CNTNAP2: variants seen among roughly 807,000 people sequenced by gnomAD.
CNTNAP2 encodes the protein contactin-associated protein-like 2.
CNTNAP2 carries 98 observed loss-of-function variants against 155.2 expected under a neutral mutation model. That is an observed-to-expected ratio of 0.63 (90% CI 0.54 to 0.75). CNTNAP2 has a LOEUF of 0.75. Among genes scored for constraint, CNTNAP2 ranks in the 30% least tolerant of loss-of-function variants. CNTNAP2 has a pLI of 0.00. For synonymous variants in CNTNAP2, 651 were observed against 631.2 expected (o/e 1.03, Z -0.47); for missense variants, 1,727 against 1,688.1 (o/e 1.02, Z -0.40).
At chr7:147,621,487 GA>G (rs1170184598) in intron 12 of CNTNAP2, among the ~76,000 whole-genome samples, 1 of 148,346 alleles carries the variant, frequency 6.7e-6, no homozygotes, top group Non-Finnish European at 1.5e-5. Flanking sequence ...TTAAAAAGCA[GA>G]AGGATAGAGG....
intron 1 of CNTNAP2, among the ~76,000 whole-genome samples, chr7:146,587,775 C>T (rs1211122537): frequency 6.6e-6 from 1 of 151,940 alleles, no homozygotes; most frequent in African/African-American, 2.4e-5. Context: ...CATGTTCAAG[C>T]GATTCTCCTG....
At chr7:147,404,359 T>C (rs116706191) in intron 10 of CNTNAP2, among the ~76,000 whole-genome samples, 2,505 of 152,310 alleles carry the variant, frequency 0.016, 70 homozygotes, top group African/African-American at 0.057. Flanking sequence ...GGACAAAAGC[T>C]CTTGCGTCCT....
intron 17 of CNTNAP2, among the ~76,000 whole-genome samples, chr7:148,155,915 C>T (rs1343681120): frequency 1.3e-5 from 2 of 152,188 alleles, no homozygotes; most frequent in Non-Finnish European, 2.9e-5. Context: ...GGTGCTCCCA[C>T]AGCTTCCCAC....
chr7:147,798,146 C>T (rs1357722927), intron 13 of CNTNAP2, among the ~76,000 whole-genome samples: 2 of 152,234 alleles, frequency 1.3e-5, no homozygotes, highest in East Asian at 3.9e-4. Flanking sequence ...TGTCACAGTG[C>T]ACGGAGAACT....
chr7:147,273,847 CAT>C (rs1171961207), intron 8 of CNTNAP2, among the ~76,000 whole-genome samples: 8 of 145,456 alleles, frequency 5.5e-5, no homozygotes, highest in South Asian at 4.2e-4. Flanking sequence ...AATATTTAAA[CAT>C]ATATAAATAT....
At chr7:146,154,285 C>A (rs1238235701) in intron 1 of CNTNAP2, among the ~76,000 whole-genome samples, 1 of 152,140 alleles carries the variant, frequency 6.6e-6, no homozygotes, top group African/African-American at 2.4e-5. Context: ...ATATTCCCCC[C>A]AACTCCAATT....
chr7:147,726,475 T>C (rs1014864265), intron 13 of CNTNAP2, among the ~76,000 whole-genome samples: 4 of 151,852 alleles, frequency 2.6e-5, no homozygotes, highest in Non-Finnish European at 5.9e-5. Context: ...TCAAAGACCA[T>C]CTTAAGTCAG....
intron 17 of CNTNAP2, among the ~76,000 whole-genome samples, chr7:148,170,242 A>G (rs1048373677): frequency 6.6e-6 from 1 of 152,238 alleles, no homozygotes; most frequent in Middle Eastern, 3.2e-3. Flanking sequence ...ATTTTAGCAT[A>G]TTTTGATAGA....
intron 1 of CNTNAP2, among the ~76,000 whole-genome samples, chr7:146,559,081 A>G (rs969377545): frequency 2.0e-5 from 3 of 152,198 alleles, no homozygotes; most frequent in Non-Finnish European, 2.9e-5. Context: ...CAGGAGGAAT[A>G]TATTTTGAGA....
At chr7:147,097,227 A>AT (rs1800555245) in intron 4 of CNTNAP2, among the ~76,000 whole-genome samples, 1 of 152,170 alleles carries the variant, frequency 6.6e-6, no homozygotes, top group African/African-American at 2.4e-5. Context: ...GTCCTGACAA[A>AT]TTTGTAGGGG....
chr7:147,127,641 T>C lies in CNTNAP2; in HGVS notation c.940-1052T>C, dbSNP rs113472802. 1.8e-4 allele frequency among the ~76,000 whole-genome samples: 28 copies of C among 152,304 alleles called. 1 individual carries two copies. The highest frequency in any genetic ancestry group is 6.3e-4 in the African/African-American group (26 of 41,566). On this transcript the variant is annotated intron_variant, in intron 6 of 23. Transcript: ENST00000361727. ...AGTTAACAGATTCCTAACCATTTAG[T>C]GAGTTCTAACCCCAATCCCTAATGT...
At chr7:148,197,562 G>A (rs1355519544) in intron 18 of CNTNAP2, among the ~76,000 whole-genome samples, 1 of 152,180 alleles carries the variant, frequency 6.6e-6, no homozygotes, top group African/African-American at 2.4e-5. Flanking sequence ...TATGAAATAA[G>A]GCATTGGAGT....
At chr7:146,535,029 C>G (rs1244092074) in intron 1 of CNTNAP2, among the ~76,000 whole-genome samples, 1 of 109,950 alleles carries the variant, frequency 9.1e-6, no homozygotes, top group African/African-American at 3.4e-5. Context: ...TCCATCTTTT[C>G]TAATAAAATG....
intron 9 of CNTNAP2, among the ~76,000 whole-genome samples, chr7:147,320,726 T>G (rs951199891): frequency 1.3e-5 from 2 of 152,192 alleles, no homozygotes; most frequent in Admixed American, 1.3e-4. Flanking sequence ...AAAATCTTGC[T>G]AGGCAGGAAT....
At chr7:146,270,930 C>G (rs914466470) in intron 1 of CNTNAP2, among the ~76,000 whole-genome samples, 4 of 152,008 alleles carry the variant, frequency 2.6e-5, no homozygotes, top group Non-Finnish European at 4.4e-5. Flanking sequence ...GACCCCATCC[C>G]AGAAAACTAT....
At chr7:148,137,486 C>G (rs138724361) in intron 16 of CNTNAP2, among the ~76,000 whole-genome samples, 7,041 of 152,198 alleles carry the variant, frequency 0.046, 530 homozygotes, top group African/African-American at 0.16. Context: ...ATGGCAAAAC[C>G]CCATCTCTAC....
intron 13 of CNTNAP2, among the ~76,000 whole-genome samples, chr7:147,846,936 C>T (rs1320620965): frequency 0.05 from 1 of 20 alleles, no homozygotes; most frequent in African/African-American, 0.5. Context: ...CCACTCTCTT[C>T]TGGCTTGTAG....
At chr7:146,935,091 C>T (rs1413667590) in intron 3 of CNTNAP2, among the ~76,000 whole-genome samples, 2 of 152,240 alleles carry the variant, frequency 1.3e-5, no homozygotes, top group South Asian at 2.1e-4. Context: ...ATTCTTGGAA[C>T]TGTGCACCCA....
chr7:147,727,698 T>C (rs12537925), intron 13 of CNTNAP2, among the ~76,000 whole-genome samples: 1,666 of 150,346 alleles, frequency 0.011, 95 homozygotes, highest in Admixed American at 0.088. Context: ...TTCTCATCAC[T>C]AAGCAGCATC....
Sources: allele counts gnomAD v4.1 joint callset (sites outside exome capture counted in the v4.1 genomes callset), GRCh38; gene constraint gnomAD v4.1.1; transcripts MANE v1.5; gene names NCBI Gene and HGNC (gene_info 2026-07-23, HGNC 2026-07-21).